PLEKHD1: variants seen among roughly 807,000 people sequenced by gnomAD.
PLEKHD1 encodes pleckstrin homology and coiled-coil domain containing D1.
PLEKHD1 carries 51 observed loss-of-function variants against 69.2 expected under a neutral mutation model. The ratio of observed to expected loss-of-function variants is 0.74; its 90% CI spans 0.59 to 0.93. The LOEUF is 0.93. Among genes scored for constraint, PLEKHD1 ranks in the 40% least tolerant of loss-of-function variants. The pLI is 0.00. For missense variants in PLEKHD1, 584 were observed against 641.0 expected (o/e 0.91, Z 0.96); for synonymous variants, 236 against 244.7 (o/e 0.96, Z 0.33).
At chr14:69,501,067 A>G in intron 4 of PLEKHD1, 120 bp downstream of exon 4, 2 of 1,062,934 alleles carry the variant, frequency 1.9e-6, no homozygotes, top group Non-Finnish European at 2.8e-6. Context: ...GCTGTGGGAG[A>G]TGGCTAGGGT....
At chr14:69,522,202 C>T (rs2139528205) in intron 6 of PLEKHD1, 81 bp from the exon 7 acceptor site, 1 of 1,306,708 alleles carries the variant, frequency 7.7e-7, no homozygotes, top group South Asian at 1.3e-5. Flanking sequence ...CCCAGAGGGT[C>T]CCTTGGGATA....
At chr14:69,500,460 G>A in intron 2 of PLEKHD1, 117 bp from the exon 3 acceptor site, 1 of 820,774 alleles carries the variant, frequency 1.2e-6, no homozygotes. Flanking sequence ...ATGGCCCCAG[G>A]GTCTAGCTTC....
intron 1 of PLEKHD1, among the ~76,000 whole-genome samples, chr14:69,491,004 G>C (rs12436136): frequency 5.3e-5 from 8 of 152,116 alleles, no homozygotes; most frequent in Admixed American, 1.3e-4. Context: ...ACATCCACTA[G>C]GCTCTTGCTG....
At chr14:69,475,906 G>A in the PLEKHD1 span, among the ~76,000 whole-genome samples, 1 of 152,192 alleles carries the variant, frequency 6.6e-6, no homozygotes, top group African/African-American at 2.4e-5. Context: ...CGTGGCCTTA[G>A]GAAATACAAT....
intron 5 of PLEKHD1, 134 bp downstream of exon 5, chr14:69,501,959 C>A: frequency 1.4e-6 from 1 of 735,780 alleles, no homozygotes; most frequent in Non-Finnish European, 2.2e-6. Flanking sequence ...ACCAGTTTGG[C>A]ACCTGGAGGG....
intron 1 of PLEKHD1, among the ~76,000 whole-genome samples, chr14:69,487,264 G>A (rs1011473572): frequency 6.6e-6 from 1 of 152,118 alleles, no homozygotes; most frequent in Non-Finnish European, 1.5e-5. Flanking sequence ...CAGCCAGAGA[G>A]GGCCTGGGTG....
At chr14:69,512,328 T>C (rs1883288836) in intron 6 of PLEKHD1, among the ~76,000 whole-genome samples, 1 of 152,190 alleles carries the variant, frequency 6.6e-6, no homozygotes, top group African/African-American at 2.4e-5. Context: ...ATTTATCTTT[T>C]CAAAGAACTG....
At chr14:69,513,739 T>C (rs890729646) in intron 6 of PLEKHD1, among the ~76,000 whole-genome samples, 1 of 152,216 alleles carries the variant, frequency 6.6e-6, no homozygotes, top group Non-Finnish European at 1.5e-5. Flanking sequence ...ATCATTTTCC[T>C]TCTCCCTGAG....
intron 7 of PLEKHD1, 72 bp from the exon 8 acceptor site, chr14:69,524,157 T>A (rs1883584430): frequency 8.0e-7 from 1 of 1,257,764 alleles, no homozygotes; most frequent in East Asian, 2.6e-5. Flanking sequence ...CAAAAGCATT[T>A]CTAAGTGCAG....
At chr14:69,526,974 G>A (rs2139534496) in intron 10 of PLEKHD1, 145 bp downstream of exon 10, 4 of 1,294,264 alleles carry the variant, frequency 3.1e-6, no homozygotes, top group Non-Finnish European at 4.1e-6. Context: ...CACCACGAGG[G>A]GAAGCAGCAA....
the PLEKHD1 span, among the ~76,000 whole-genome samples, chr14:69,475,400 C>T: frequency 6.6e-6 from 1 of 152,204 alleles, no homozygotes; most frequent in Non-Finnish European, 1.5e-5. Context: ...CCGGTGGGTA[C>T]CAAGAGCTAA....
intron 1 of PLEKHD1, among the ~76,000 whole-genome samples, chr14:69,492,688 A>G (rs536801986): frequency 5.3e-5 from 8 of 152,326 alleles, no homozygotes; most frequent in African/African-American, 1.7e-4. Flanking sequence ...GAGTTGAATG[A>G]GTTAGCACAA....
intron 1 of PLEKHD1, among the ~76,000 whole-genome samples, chr14:69,498,658 C>G (rs1021335695): frequency 7.4e-6 from 1 of 135,572 alleles, no homozygotes; most frequent in African/African-American, 2.9e-5. Context: ...CTTCTCTTCT[C>G]TTCTTTGAGA....
chr14:69,504,003 A>G (rs1883096861), intron 6 of PLEKHD1, among the ~76,000 whole-genome samples: 1 of 151,816 alleles, frequency 6.6e-6, no homozygotes, highest in Non-Finnish European at 1.5e-5. Context: ...CTGTATTTGT[A>G]TTTGACCTTC....
At chr14:69,476,348 A>C in the PLEKHD1 span, among the ~76,000 whole-genome samples, 1 of 151,522 alleles carries the variant, frequency 6.6e-6, no homozygotes, top group Non-Finnish European at 1.5e-5. Context: ...CGAGCCCAGT[A>C]GTTCAACGCT....
At chr14:69,518,007 T>G (rs1325784926) in intron 6 of PLEKHD1, among the ~76,000 whole-genome samples, 1 of 42,428 alleles carries the variant, frequency 2.4e-5, no homozygotes, top group African/African-American at 4.6e-5. Flanking sequence ...TATTTATTTA[T>G]TTATTTATTT....
chr14:69,526,882 C>A lies in PLEKHD1; in HGVS notation c.1056+53C>A, dbSNP rs910298277. On this transcript the variant is annotated intron_variant, in intron 10 of 12. Transcript: ENST00000322564. ...CCCTTCCCCTTCCCTGGAGACTCCC[C>A]TTCCACCCCTGCACTTTACCGGGTA... 15 of 1,477,300 alleles carry A rather than the reference C, an allele frequency of 1.0e-5. No homozygotes were observed. The African/African-American group carries it at 1.8e-4, about 18-fold the overall frequency. 91.5% of individuals were successfully genotyped at this position (1,477,300 alleles called of 1,614,324 possible). A position where few individuals can be genotyped will look rare whatever the true frequency, so the allele number is the denominator to read the frequency against.
rs546154165 is a variant in PLEKHD1 at position 69,518,714 on chromosome 14, T to C, written c.556-3569T>C. Among the ~76,000 whole-genome samples, 19 of 152,242 alleles carry C rather than the reference T, an allele frequency of 1.2e-4. No homozygotes were observed. In the South Asian group the frequency reaches 3.1e-3, roughly 25 times the overall value. ...GAGGAGAGGAGACTTGAGGACAGAA[T>C]TGCTCTTTTAAATACTTGAAGAGAA... On this transcript the variant is annotated intron_variant, in intron 6 of 12. Coordinates refer to ENST00000322564, the MANE Select transcript of PLEKHD1 (RefSeq NM_001161498.2).
At chr14:69,498,602 T>TCTTCTCTTCC (rs1566557315) in intron 1 of PLEKHD1, among the ~76,000 whole-genome samples, 2 of 108,736 alleles carry the variant, frequency 1.8e-5, no homozygotes, top group African/African-American at 6.9e-5. Context: ...TCTTCTCTTC[T>TCTTCTCTTCC]CTTCTCTTCT....
Sources: allele counts gnomAD v4.1 joint callset (sites outside exome capture counted in the v4.1 genomes callset), GRCh38; gene constraint gnomAD v4.1.1; transcripts MANE v1.5; gene names NCBI Gene and HGNC (gene_info 2026-07-23, HGNC 2026-07-21).